ZMAT4: variants seen among roughly 807,000 people sequenced by gnomAD.
ZMAT4 encodes the protein zinc finger matrin-type protein 4.
Under a neutral mutation model 28.7 loss-of-function variants are expected in ZMAT4, and 17 were observed. The observed-to-expected ratio is 0.59, with a 90% CI of 0.41 to 0.89. The LOEUF (loss-of-function observed/expected upper bound fraction) is 0.89, where lower values mean the gene tolerates loss of function less well. Among genes scored for constraint, ZMAT4 ranks in the 40% least tolerant of loss-of-function variants. The probability of loss-of-function intolerance (pLI) is 0.00; values close to 1 mark genes in which losing one functional copy is unlikely to be tolerated. For synonymous variants in ZMAT4, 117 were observed against 109.2 expected (o/e 1.07, Z -0.44); for missense variants, 240 against 283.8 (o/e 0.85, Z 1.11).
chr8:40,833,570 A>G (rs1464504776), intron 1 of ZMAT4, among the ~76,000 whole-genome samples: 2 of 149,126 alleles, frequency 1.3e-5, no homozygotes, highest in Non-Finnish European at 3.0e-5. Context: ...ACATGAAATC[A>G]TCATGGTCTT....
intron 5 of ZMAT4, among the ~76,000 whole-genome samples, chr8:40,646,537 T>C (rs1463767942): frequency 6.6e-6 from 1 of 152,166 alleles, no homozygotes; most frequent in African/African-American, 2.4e-5. Flanking sequence ...GTAATTTATA[T>C]TAACCAATTT....
At chr8:40,618,926 C>G (rs1049816748) in intron 5 of ZMAT4, among the ~76,000 whole-genome samples, 8 of 152,130 alleles carry the variant, frequency 5.3e-5, no homozygotes, top group Non-Finnish European at 1.2e-4. Flanking sequence ...GGAAATTAGA[C>G]AGGTAAGTTT....
In ZMAT4 at chr8:40,589,911, TCCTC is replaced by T. The variant is rs1205239988; in HGVS notation, c.578-8654_578-8651del. 2.0e-3 allele frequency among the ~76,000 whole-genome samples: 267 copies of T among 131,822 alleles called. 1 individual carries two copies. The highest frequency in any genetic ancestry group is 7.2e-3 in the African/African-American group (249 of 34,686). The allele number at this position is 131,822 out of a possible 152,430, so 86.5% of individuals were successfully genotyped here. A position where few individuals can be genotyped will look rare whatever the true frequency, so the allele number is the denominator to read the frequency against. On this transcript the variant is annotated intron_variant, in intron 5 of 6. Transcript: ENST00000297737. ...CTTCCCTTCCCTTCTCTTCCCTTCT[TCCTC>T]CCTCCCTCCCTCCCTCACTCCCTTC...
intron 1 of ZMAT4, among the ~76,000 whole-genome samples, chr8:40,832,405 C>T (rs985898383): frequency 2.0e-5 from 3 of 152,170 alleles, no homozygotes; most frequent in Non-Finnish European, 1.5e-5. Flanking sequence ...ACCTTACTCA[C>T]CCTCAGTAGA....
intron 1 of ZMAT4, among the ~76,000 whole-genome samples, chr8:40,839,726 C>T (rs530791622): frequency 2.6e-5 from 4 of 152,226 alleles, no homozygotes; most frequent in South Asian, 4.2e-4. Flanking sequence ...AAAAGCCAGG[C>T]GTGTTCTCAC....
chr8:40,636,309 A>G (rs1390022013), intron 5 of ZMAT4, among the ~76,000 whole-genome samples: 1 of 152,250 alleles, frequency 6.6e-6, no homozygotes, highest in African/African-American at 2.4e-5. Context: ...GCTGAGCAGT[A>G]GGGGTTGAAG....
At chr8:40,771,137 G>A (rs11777035) in intron 2 of ZMAT4, among the ~76,000 whole-genome samples, 60,780 of 151,556 alleles carry the variant, frequency 0.4, 12,720 homozygotes, top group Middle Eastern at 0.47. Flanking sequence ...AGGGAGAATT[G>A]CGGGGGGGAA....
chr8:40,681,585 A>G (rs1225386827), intron 4 of ZMAT4, among the ~76,000 whole-genome samples: 2 of 152,198 alleles, frequency 1.3e-5, no homozygotes, highest in Non-Finnish European at 2.9e-5. Flanking sequence ...CGTGCCCACC[A>G]CAAAGTCAGG....
chr8:40,581,108 C>A lies in ZMAT4; in HGVS notation c.674+57G>T. 2.9e-6 allele frequency: 4 copies of A among 1,387,834 alleles called. No individual in the cohort carries two copies. In the South Asian group the frequency reaches 4.8e-5, roughly 17 times the overall value. 86.0% of individuals were successfully genotyped at this position (1,387,834 alleles called of 1,614,324 possible). On this transcript the variant is annotated intron_variant, in intron 6 of 6. Transcript: ENST00000297737. ...ATAGATGAAATGTTGAGCCTTTAGT[C>A]ATCTTACTAAAAATTACATCGAAGA...
At chr8:40,552,050 A>G (rs1027069587) in intron 6 of ZMAT4, among the ~76,000 whole-genome samples, 3 of 152,226 alleles carry the variant, frequency 2.0e-5, no homozygotes, top group Admixed American at 1.3e-4. Context: ...AGCCAGGGCC[A>G]TAATGGCATC....
chr8:40,742,774 C>T (rs1024295688), intron 3 of ZMAT4, among the ~76,000 whole-genome samples: 1 of 148,916 alleles, frequency 6.7e-6, no homozygotes, highest in Admixed American at 6.6e-5. Context: ...CACACACACA[C>T]ACACACACAC....
At chr8:40,653,741 T>C (rs1217779423) in intron 5 of ZMAT4, among the ~76,000 whole-genome samples, 1 of 152,136 alleles carries the variant, frequency 6.6e-6, no homozygotes, top group African/African-American at 2.4e-5. Context: ...TGAGTAGACT[T>C]ATAACAAGTA....
chr8:40,643,638 GT>G (rs1447610297), intron 5 of ZMAT4, among the ~76,000 whole-genome samples: 1 of 152,132 alleles, frequency 6.6e-6, no homozygotes, highest in African/African-American at 2.4e-5. Context: ...GAGTGCTACA[GT>G]TGTACAGAGC....
chr8:40,872,074 G>A (rs1817877355), intron 1 of ZMAT4, among the ~76,000 whole-genome samples: 1 of 152,208 alleles, frequency 6.6e-6, no homozygotes, highest in Non-Finnish European at 1.5e-5. Flanking sequence ...CCACAGGGGA[G>A]GGAGTTTCTG....
intron 1 of ZMAT4, among the ~76,000 whole-genome samples, chr8:40,835,845 A>T (rs1172962346): frequency 6.6e-6 from 1 of 152,168 alleles, no homozygotes; most frequent in Non-Finnish European, 1.5e-5. Flanking sequence ...CTTCTCCTCT[A>T]CCGCATATTA....
At chr8:40,752,212 T>C (rs4736877) in intron 3 of ZMAT4, among the ~76,000 whole-genome samples, 60,917 of 152,028 alleles carry the variant, frequency 0.4, 12,787 homozygotes, top group Middle Eastern at 0.5. Context: ...TTGGCACCTA[T>C]CTGGAACCCA....
rs192495059 is a variant in ZMAT4, at chr8:40,694,170, G to A, written c.349+3075C>T. On this transcript the variant is annotated intron_variant, in intron 4 of 6. Transcript: ENST00000297737. ...ACAAGGCAGCCACCACGTGGAAGGTGAAGCCCTGGAGAAGCTGCTGCTGGG... is the reference window on the plus strand; with the variant it reads ...ACAAGGCAGCCACCACGTGGAAGGTAAAGCCCTGGAGAAGCTGCTGCTGGG... Among the ~76,000 whole-genome samples the A allele has an allele frequency of 3.2e-4, 48 of 152,304 alleles. 1 individual carries two copies. The highest frequency in any genetic ancestry group is 1.0e-3 in the African/African-American group (42 of 41,576).
At chr8:40,763,990 A>G (rs4736879) in intron 3 of ZMAT4, among the ~76,000 whole-genome samples, 1 of 111,910 alleles carries the variant, frequency 8.9e-6, no homozygotes, top group South Asian at 2.9e-4. Context: ...CACACACACA[A>G]AAAAAAAACC....
intron 2 of ZMAT4, among the ~76,000 whole-genome samples, chr8:40,796,617 AAT>A (rs1247458686): frequency 6.6e-6 from 1 of 152,022 alleles, no homozygotes; most frequent in Non-Finnish European, 1.5e-5. Flanking sequence ...TTCTCCCTTA[AAT>A]GCACTACTTA....
Sources: gnomAD v4.1 joint callset for allele counts (sites outside exome capture counted in the v4.1 genomes callset) on GRCh38, gnomAD v4.1.1 for gene constraint, MANE v1.5 for transcripts, NCBI Gene and HGNC (gene_info 2026-07-23, HGNC 2026-07-21) for gene names.